The following NSMCE2 variants were observed in gnomAD, a reference collection of about 807,000 sequenced individuals.
NSMCE2 encodes NSE2 SUMO ligase component of SMC5/6 complex, also known as E3 SUMO-protein ligase NSE2.
NSMCE2 carries 24 observed loss-of-function variants against 23.8 expected under a neutral mutation model. The observed-to-expected ratio is 1.01, with a 90% CI of 0.73 to 1.42. The LOEUF is 1.42. NSMCE2 is among the 40% of genes most tolerant of loss of function. The pLI is 0.00. For synonymous variants in NSMCE2, 92 were observed against 94.1 expected, an observed-to-expected ratio of 0.98 and a Z score of 0.13; for missense variants, 284 against 296.5, an observed-to-expected ratio of 0.96 and a Z score of 0.31.
intron 4 of NSMCE2, among the ~76,000 whole-genome samples, chr8:125,161,315 T>A (rs1821616218): frequency 6.6e-6 from 1 of 152,220 alleles, no homozygotes; most frequent in Non-Finnish European, 1.5e-5. Flanking sequence ...AAAAAAAGTC[T>A]AATAATACAG....
At chr8:125,277,505 T>C (rs991916529) in intron 5 of NSMCE2, among the ~76,000 whole-genome samples, 1 of 151,738 alleles carries the variant, frequency 6.6e-6, no homozygotes, top group Admixed American at 6.6e-5. Context: ...CATCTTCTTC[T>C]TCTTCTTTTT....
At chr8:125,284,066 A>G (rs1384077551) in intron 5 of NSMCE2, among the ~76,000 whole-genome samples, 2 of 151,822 alleles carry the variant, frequency 1.3e-5, no homozygotes, top group African/African-American at 4.8e-5. Context: ...AGGCAGGAGA[A>G]TGGCGTGAAC....
chr8:125,124,075 G>A (rs946759474), intron 3 of NSMCE2: 1 of 152,060 alleles, frequency 6.6e-6, no homozygotes, highest in Non-Finnish European at 1.5e-5. Context: ...TATTCCTAAG[G>A]AGCCACTATT....
intron 5 of NSMCE2, among the ~76,000 whole-genome samples, chr8:125,302,260 A>G (rs1828596287): frequency 6.6e-6 from 1 of 152,208 alleles, no homozygotes; most frequent in Non-Finnish European, 1.5e-5. Flanking sequence ...CCAGGTCCCA[A>G]TTTCTTTTTT....
At chr8:125,191,796 C>T (rs760349449) in intron 5 of NSMCE2, among the ~76,000 whole-genome samples, 2 of 152,122 alleles carry the variant, frequency 1.3e-5, no homozygotes, top group Non-Finnish European at 2.9e-5. Flanking sequence ...TACATCATCT[C>T]GCGTAATCTT....
intron 5 of NSMCE2, among the ~76,000 whole-genome samples, chr8:125,324,500 T>C (rs1829570686): frequency 8.8e-6 from 1 of 113,292 alleles, no homozygotes; most frequent in African/African-American, 3.5e-5. Flanking sequence ...TATTGATACA[T>C]GCAGCAAGGT....
At position 125,272,814 on chromosome 8, in the gene NSMCE2, T is replaced by TATATATATACAC. The variant is rs1491510239; in HGVS notation, c.419-84391_419-84380dup. On this transcript the variant is annotated intron_variant, in intron 5 of 7. Coordinates refer to ENST00000287437, the MANE Select transcript of NSMCE2 (RefSeq NM_173685.4). ...ACATGTGTATATATATACACACACG[T>TATATATATACAC]ATATATATACACATATATATACACA... Among the ~76,000 whole-genome samples, 520 of 122,078 alleles carry TATATATATACAC rather than the reference T, an allele frequency of 4.3e-3. 35 individuals carry two copies. Among genetic ancestry groups the TATATATATACAC allele is most frequent in the African/African-American group, 0.017 (502 of 30,134 alleles). 80.1% of individuals were successfully genotyped at this position (122,078 alleles called of 152,430 possible).
intron 3 of NSMCE2, among the ~76,000 whole-genome samples, chr8:125,114,800 C>A (rs1466760991): frequency 6.6e-6 from 1 of 152,174 alleles, no homozygotes; most frequent in Non-Finnish European, 1.5e-5. Flanking sequence ...CATACACATA[C>A]ATAGTCACTG....
chr8:125,155,134 T>C (rs1407192534), intron 4 of NSMCE2, among the ~76,000 whole-genome samples: 3 of 152,222 alleles, frequency 2.0e-5, no homozygotes, highest in African/African-American at 7.2e-5. Flanking sequence ...ACAAATATTT[T>C]ACAAATGTTA....
intron 5 of NSMCE2, among the ~76,000 whole-genome samples, chr8:125,315,200 G>A (rs1398436768): frequency 6.6e-6 from 1 of 152,168 alleles, no homozygotes; most frequent in South Asian, 2.1e-4. Context: ...GACAGGAGAA[G>A]TAGATAGGTA....
chr8:125,333,505 C>CTTT (rs71295847), intron 5 of NSMCE2, among the ~76,000 whole-genome samples: 1,199 of 45,620 alleles, frequency 0.026, 397 homozygotes, highest in African/African-American at 0.1. Context: ...CCTGGTGGTT[C>CTTT]TTTTTTTTTT....
intron 5 of NSMCE2, among the ~76,000 whole-genome samples, chr8:125,339,608 T>G (rs1219139627): frequency 6.6e-6 from 1 of 152,194 alleles, no homozygotes; most frequent in Admixed American, 6.5e-5. Flanking sequence ...TACATATCAT[T>G]AGAATTGCTG....
chr8:125,360,412 C>T (rs1033159845), intron 7 of NSMCE2, among the ~76,000 whole-genome samples: 1 of 152,186 alleles, frequency 6.6e-6, no homozygotes, highest in Non-Finnish European at 1.5e-5. Flanking sequence ...GCAGGACCCG[C>T]ACCTCGCCTG....
chr8:125,262,586 A>C (rs16900488), intron 5 of NSMCE2, among the ~76,000 whole-genome samples: 96,132 of 152,034 alleles, frequency 0.63, 32,674 homozygotes, highest in Non-Finnish European at 0.75. Flanking sequence ...TAGCAAGAAT[A>C]AATAAGACAG....
chr8:125,271,903 T>C (rs915575663), intron 5 of NSMCE2, among the ~76,000 whole-genome samples: 1 of 152,140 alleles, frequency 6.6e-6, no homozygotes, highest in African/African-American at 2.4e-5. Context: ...AGTTTATAGG[T>C]GGGGATTATT....
chr8:125,199,113 A>G (rs745959531), intron 5 of NSMCE2, among the ~76,000 whole-genome samples: 1 of 151,704 alleles, frequency 6.6e-6, no homozygotes, highest in Non-Finnish European at 1.5e-5. Flanking sequence ...TGGTCTGTCA[A>G]TTTTGTTGAT....
chr8:125,254,972 A>G (rs1826345632), intron 5 of NSMCE2, among the ~76,000 whole-genome samples: 1 of 152,126 alleles, frequency 6.6e-6, no homozygotes. Flanking sequence ...TGAGCTCTGT[A>G]ACTGCCTGCC....
At chr8:125,353,476 G>A (rs1372730498) in intron 5 of NSMCE2, among the ~76,000 whole-genome samples, 1 of 152,084 alleles carries the variant, frequency 6.6e-6, no homozygotes, top group Non-Finnish European at 1.5e-5. Context: ...CTTGCACTAT[G>A]AATACCAAAG....
intron 3 of NSMCE2, among the ~76,000 whole-genome samples, chr8:125,145,277 A>C (rs1351829363): frequency 6.6e-6 from 1 of 152,152 alleles, no homozygotes; most frequent in Non-Finnish European, 1.5e-5. Context: ...ACAGACATGC[A>C]GGTTTATAGG....
Sources: allele counts gnomAD v4.1 joint callset (sites outside exome capture counted in the v4.1 genomes callset), GRCh38; gene constraint gnomAD v4.1.1; transcripts MANE v1.5; gene names NCBI Gene and HGNC (gene_info 2026-07-23, HGNC 2026-07-21).